CNGB3: variants seen among roughly 807,000 people sequenced by gnomAD.
CNGB3 encodes cyclic nucleotide-gated channel beta-3.
CNGB3 carries 86 observed loss-of-function variants against 92.8 expected under a neutral mutation model. That is an observed-to-expected ratio of 0.93 (90% CI 0.78 to 1.11). The LOEUF (loss-of-function observed/expected upper bound fraction) is 1.11, where lower values mean the gene tolerates loss of function less well. Ranked by LOEUF, CNGB3 falls within the 50% of genes least tolerant of loss-of-function variation. CNGB3 has a pLI of 0.00. For missense variants in CNGB3, 1,026 were observed against 956.8 expected (o/e 1.07, Z -0.95); for synonymous variants, 333 against 332.7 (o/e 1.00, Z -0.01).
chr8:86,579,437 A>G (rs1821720159), intron 15 of CNGB3, among the ~76,000 whole-genome samples, 185 bp from the exon 16 acceptor site: 1 of 152,220 alleles, frequency 6.6e-6, no homozygotes, highest in African/African-American at 2.4e-5. Context: ...AGTTTTCAAT[A>G]TATTTTTTCT....
At chr8:86,648,130 C>T (rs1823325490) in intron 7 of CNGB3, among the ~76,000 whole-genome samples, 1 of 151,084 alleles carries the variant, frequency 6.6e-6, no homozygotes, top group African/African-American at 2.4e-5. Context: ...TCTCCTTAGG[C>T]GTTGCATTTA....
intron 11 of CNGB3, 61 bp downstream of exon 11, chr8:86,632,691 A>G: frequency 1.3e-6 from 2 of 1,554,124 alleles, no homozygotes; most frequent in Non-Finnish European, 1.8e-6. Context: ...AAAGTTTACA[A>G]AGACCTGTTA....
At chr8:86,738,783 G>C (rs1825289626) in intron 2 of CNGB3, among the ~76,000 whole-genome samples, 1 of 150,508 alleles carries the variant, frequency 6.6e-6, no homozygotes, top group African/African-American at 2.5e-5. Flanking sequence ...GGAGCTTGCA[G>C]TGAGCCGAGA....
chr8:86,658,133 G>C, intron 6 of CNGB3: 1 of 534,134 alleles, frequency 1.9e-6, no homozygotes, highest in Non-Finnish European at 3.5e-6. Flanking sequence ...CCTGGGACTA[G>C]GGCTGCTGCC....
At chr8:86,632,965 T>C (rs1822991875) in intron 10 of CNGB3, 72 bp from the exon 11 acceptor site, 1 of 1,348,666 alleles carries the variant, frequency 7.4e-7, no homozygotes, top group Non-Finnish European at 1.0e-6. Flanking sequence ...TGGGAGAATA[T>C]AGTACTATTA....
chr8:86,714,735 G>A (rs1247977859), intron 3 of CNGB3, among the ~76,000 whole-genome samples: 2 of 152,144 alleles, frequency 1.3e-5, no homozygotes, highest in African/African-American at 4.8e-5. Context: ...GAGGAGACTA[G>A]TGGTCTGGGC....
At chr8:86,593,440 A>T (rs573063268) in intron 15 of CNGB3, among the ~76,000 whole-genome samples, 1 of 152,240 alleles carries the variant, frequency 6.6e-6, no homozygotes, top group East Asian at 1.9e-4. Context: ...CCAGGTAACT[A>T]TGTGAAATAT....
At chr8:86,732,102 C>T (rs1825166345) in intron 2 of CNGB3, among the ~76,000 whole-genome samples, 1 of 152,196 alleles carries the variant, frequency 6.6e-6, no homozygotes, top group African/African-American at 2.4e-5. Context: ...ATCCTATCCA[C>T]ATTGGTTAGG....
At chr8:86,719,914 C>A (rs956202449) in intron 3 of CNGB3, among the ~76,000 whole-genome samples, 1 of 152,032 alleles carries the variant, frequency 6.6e-6, no homozygotes, top group African/African-American at 2.4e-5. Context: ...CCCTTTTCAA[C>A]AAATGGTGCT....
chr8:86,664,070 T>C (rs1823695745), intron 6 of CNGB3, among the ~76,000 whole-genome samples: 1 of 152,234 alleles, frequency 6.6e-6, no homozygotes, highest in South Asian at 2.1e-4. Flanking sequence ...TACACCGTCA[T>C]CACCATTCAT....
At chr8:86,708,989 T>G (rs1026937912) in intron 3 of CNGB3, among the ~76,000 whole-genome samples, 2 of 152,188 alleles carry the variant, frequency 1.3e-5, no homozygotes, top group Non-Finnish European at 2.9e-5. Flanking sequence ...AGGGTGTGGC[T>G]GGTCACTCAT....
chr8:86,648,023 A>G (rs1823323112), intron 7 of CNGB3, 136 bp from the exon 8 acceptor site: 1 of 710,942 alleles, frequency 1.4e-6, no homozygotes, highest in Non-Finnish European at 2.6e-6. Context: ...GCTTTCAATT[A>G]ACTATGCATG....
At chr8:86,730,319 C>T (rs1825136846) in intron 2 of CNGB3, among the ~76,000 whole-genome samples, 1 of 152,140 alleles carries the variant, frequency 6.6e-6, no homozygotes, top group Non-Finnish European at 1.5e-5. Flanking sequence ...AAAGAAAGAA[C>T]CTAATATGGG....
chr8:86,580,955 C>A (rs1394810496), intron 15 of CNGB3, among the ~76,000 whole-genome samples: 1 of 152,178 alleles, frequency 6.6e-6, no homozygotes, highest in African/African-American at 2.4e-5. Context: ...TAAGAAGCTG[C>A]ATGGGCCCTG....
intron 13 of CNGB3, among the ~76,000 whole-genome samples, chr8:86,614,478 G>A (rs1464519578): frequency 1.3e-5 from 2 of 152,102 alleles, no homozygotes; most frequent in African/African-American, 2.4e-5. Flanking sequence ...GAGCACGAGT[G>A]TTACCCCTTC....
intron 6 of CNGB3, chr8:86,661,458 A>C (rs1369479292): frequency 1.8e-6 from 1 of 569,434 alleles, no homozygotes; most frequent in Non-Finnish European, 3.4e-6. Flanking sequence ...TGATCTGCAT[A>C]CGTCCCTGAG....
chr8:86,723,993 A>G (rs117158186), intron 3 of CNGB3, among the ~76,000 whole-genome samples: 3,734 of 152,236 alleles, frequency 0.025, 69 homozygotes, highest in Non-Finnish European at 0.034. Context: ...ACACAAGGAC[A>G]CGTTGAAGAA....
At chr8:86,660,354 A>G (rs897867246) in intron 6 of CNGB3, 2 of 399,390 alleles carry the variant, frequency 5.0e-6, no homozygotes, top group Admixed American at 6.5e-5. Flanking sequence ...ACTGCTAAAC[A>G]CATCCAGTCA....
chr8:86,625,995 G>T lies in CNGB3; in HGVS notation c.1566C>A (p.Val522=). Residue 522 remains valine, a synonymous_variant, in exon 13 of 18, where the codon GTC becomes GTA. Transcript: ENST00000320005. ...TAAAAGCACTTGCCTTGAACAAGTC[G>T]ACTTTGCTGATGATGCTGAAGTTCA... ...IDVNFSIISK[V]DLFKGCDTQM... The T allele has an allele frequency of 6.2e-7, 1 of 1,613,376 alleles. No homozygotes were observed. Among genetic ancestry groups the T allele is most frequent in the East Asian group, 2.2e-5 (1 of 44,824 alleles).
Sources: gnomAD v4.1 joint callset for allele counts (sites outside exome capture counted in the v4.1 genomes callset) on GRCh38, gnomAD v4.1.1 for gene constraint, MANE v1.5 for transcripts, NCBI Gene and HGNC (gene_info 2026-07-23, HGNC 2026-07-21) for gene names.